The following FLI1 variants were observed in gnomAD, a reference collection of about 807,000 sequenced individuals.
The protein encoded by FLI1 is Fli-1 proto-oncogene, ETS transcription factor.
FLI1 carries 13 observed loss-of-function variants against 53.1 expected under a neutral mutation model. That is an observed-to-expected ratio of 0.24 (90% CI 0.16 to 0.39). The LOEUF (loss-of-function observed/expected upper bound fraction) is 0.39. Ranked by LOEUF, FLI1 falls within the 10% of genes least tolerant of loss-of-function variation. The pLI is 1.00. For synonymous variants in FLI1, 244 were observed against 236.7 expected (o/e 1.03, Z -0.28); for missense variants, 424 against 600.5 (o/e 0.71, Z 3.07).
intron 1 of FLI1, among the ~76,000 whole-genome samples, chr11:128,725,234 T>C (rs1168118336): frequency 6.6e-6 from 1 of 152,228 alleles, no homozygotes; most frequent in Non-Finnish European, 1.5e-5. Context: ...ACCTGTTAGG[T>C]GAGCCTGAAG....
chr11:128,717,092 G>A (rs954423912), intron 1 of FLI1, among the ~76,000 whole-genome samples: 4 of 152,052 alleles, frequency 2.6e-5, no homozygotes, highest in Non-Finnish European at 5.9e-5. Flanking sequence ...TACCGGCTTG[G>A]CTTCCGGGGC....
chr11:128,790,047 TGTGTGTGTGTGTGCATGCATGC>T (rs1942221438), intron 5 of FLI1, among the ~76,000 whole-genome samples: 2 of 58,050 alleles, frequency 3.4e-5, no homozygotes, highest in Admixed American at 1.3e-4. Context: ...TTGCTGGATG[TGTGTGTGTGTGTGCATGCATGC>T]GTGTGTGTGT....
At chr11:128,730,532 GA>G (rs1939653264) in intron 1 of FLI1, among the ~76,000 whole-genome samples, 1 of 152,210 alleles carries the variant, frequency 6.6e-6, no homozygotes. Flanking sequence ...AAGCAGTAAA[GA>G]AGGGCTCTGG....
intron 1 of FLI1, among the ~76,000 whole-genome samples, chr11:128,733,715 A>G (rs1939792140): frequency 6.6e-6 from 1 of 152,224 alleles, no homozygotes; most frequent in African/African-American, 2.4e-5. Context: ...AGCTGTGCAA[A>G]TACTGGATCC....
At chr11:128,786,729 T>C (rs1167644684) in intron 5 of FLI1, among the ~76,000 whole-genome samples, 1 of 152,212 alleles carries the variant, frequency 6.6e-6, no homozygotes, top group African/African-American at 2.4e-5. Context: ...CCCAGCAGTG[T>C]GCAACAATCA....
intron 5 of FLI1, among the ~76,000 whole-genome samples, chr11:128,798,615 C>T (rs960168476): frequency 1.3e-5 from 2 of 152,164 alleles, no homozygotes; most frequent in Non-Finnish European, 2.9e-5. Flanking sequence ...GGACAAGATC[C>T]TTGAGCAAAG....
chr11:128,780,817 GGTT>G (rs751195459), intron 4 of FLI1, among the ~76,000 whole-genome samples: 6 of 152,112 alleles, frequency 3.9e-5, no homozygotes, highest in Non-Finnish European at 7.4e-5. Flanking sequence ...CGGGGAAAAG[GGTT>G]GTTTAGAAGA....
At chr11:128,797,153 G>A (rs981161739) in intron 5 of FLI1, among the ~76,000 whole-genome samples, 12 of 152,218 alleles carry the variant, frequency 7.9e-5, no homozygotes, top group African/African-American at 2.2e-4. Context: ...TTGAATGGCC[G>A]TTCTAATTCA....
At chr11:128,698,711 C>CGTGTGTGT (rs10557859) in intron 1 of FLI1, among the ~76,000 whole-genome samples, 6,003 of 144,452 alleles carry the variant, frequency 0.042, 221 homozygotes, top group East Asian at 0.21. Flanking sequence ...TATGTGTTTG[C>CGTGTGTGT]GTGTGTGTGT....
chr11:128,800,789 T>C (rs1277202950), intron 5 of FLI1, among the ~76,000 whole-genome samples: 1 of 152,208 alleles, frequency 6.6e-6, no homozygotes, highest in African/African-American at 2.4e-5. Flanking sequence ...TGGCTGGCAA[T>C]GTCTTCATTC....
chr11:128,701,615 C>A (rs1349376848), intron 1 of FLI1, among the ~76,000 whole-genome samples: 2 of 152,216 alleles, frequency 1.3e-5, no homozygotes, highest in Non-Finnish European at 2.9e-5. Flanking sequence ...GATTTGCCAT[C>A]TTTGGGAAAC....
chr11:128,805,331 A>T, intron 5 of FLI1, 35 bp from the exon 6 acceptor site: 1 of 1,327,920 alleles, frequency 7.5e-7, no homozygotes, highest in Non-Finnish European at 1.1e-6. Context: ...GAAGCAGGCG[A>T]TGCTAATGTA....
intron 1 of FLI1, among the ~76,000 whole-genome samples, chr11:128,721,859 A>G (rs1041851514): frequency 6.6e-6 from 1 of 152,198 alleles, no homozygotes; most frequent in Non-Finnish European, 1.5e-5. Context: ...CAAACTCTGA[A>G]TCCCAAGCCC....
chr11:128,807,022 C>T, intron 6 of FLI1, 158 bp from the exon 7 acceptor site: 1 of 432,386 alleles, frequency 2.3e-6, no homozygotes, highest in Non-Finnish European at 4.1e-6. Context: ...AGGGCCAGCA[C>T]ATAGTAGATT....
chr11:128,768,516 T>TAAA, intron 3 of FLI1: 2 of 331,014 alleles, frequency 6.0e-6, no homozygotes, highest in South Asian at 7.4e-5. Flanking sequence ...TCATCTCTAC[T>TAAA]AAAAAAAAAA....
rs1827492118 is a variant in FLI1, at chr11:128,812,631, G to A, written c.*1643G>A. 1 of 223,416 alleles carries A rather than the reference G, an allele frequency of 4.5e-6. No homozygotes were observed. Among genetic ancestry groups the A allele is most frequent in the African/African-American group, 2.2e-5 (1 of 45,014 alleles). 13.8% of individuals were successfully genotyped at this position (223,416 alleles called of 1,614,324 possible). On this transcript the variant is annotated 3_prime_UTR_variant, in exon 9 of 9. Transcript: ENST00000527786. ...TTTAAATCTTCCTCCAGCCTAAAAGGGTTTTATAAAACAGCAGCTAAGGCC... is the reference window on the plus strand; with the variant it reads ...TTTAAATCTTCCTCCAGCCTAAAAGAGTTTTATAAAACAGCAGCTAAGGCC...
intron 1 of FLI1, among the ~76,000 whole-genome samples, chr11:128,726,408 A>G (rs1490505352): frequency 6.6e-6 from 1 of 152,184 alleles, no homozygotes; most frequent in Non-Finnish European, 1.5e-5. Flanking sequence ...CTTGGAGAGA[A>G]TGAGGGTCCT....
intron 1 of FLI1, among the ~76,000 whole-genome samples, chr11:128,699,105 T>G (rs1289784749): frequency 6.6e-6 from 1 of 152,230 alleles, no homozygotes; most frequent in Non-Finnish European, 1.5e-5. Flanking sequence ...AAATAAAATC[T>G]ATTAGAAGGC....
At chr11:128,767,125 T>A (rs955988406) in intron 2 of FLI1, among the ~76,000 whole-genome samples, 2 of 152,148 alleles carry the variant, frequency 1.3e-5, no homozygotes, top group African/African-American at 4.8e-5. Context: ...CAGGTGGCCA[T>A]GGGTGGGACT....
Sources: gnomAD v4.1 joint callset for allele counts (sites outside exome capture counted in the v4.1 genomes callset) on GRCh38, gnomAD v4.1.1 for gene constraint, MANE v1.5 for transcripts, NCBI Gene and HGNC (gene_info 2026-07-23, HGNC 2026-07-21) for gene names.